SLC38A1: variants seen among roughly 807,000 people sequenced by gnomAD.
SLC38A1 encodes the protein solute carrier family 38 member 1, also known as sodium-coupled neutral amino acid symporter 1.
A neutral mutation model predicts 60.3 loss-of-function variants in SLC38A1; 18 were observed. The observed-to-expected ratio is 0.30, with a 90% confidence interval of 0.21 to 0.44. The LOEUF is 0.44. SLC38A1 is among the 20% of genes least tolerant of loss of function. SLC38A1 has a pLI of 1.00. For synonymous variants in SLC38A1, 196 were observed against 212.1 expected, an observed-to-expected ratio of 0.92 and a Z score of 0.66; for missense variants, 448 against 587.2, an observed-to-expected ratio of 0.76 and a Z score of 2.45.
At chr12:46,219,678 C>T (rs1048819429) in intron 5 of SLC38A1, among the ~76,000 whole-genome samples, 1 of 152,210 alleles carries the variant, frequency 6.6e-6, no homozygotes, top group African/African-American at 2.4e-5. Context: ...CAACTCTCTG[C>T]ACCACACTTA....
chr12:46,225,869 A>G (rs566857392), intron 5 of SLC38A1, among the ~76,000 whole-genome samples: 1 of 152,222 alleles, frequency 6.6e-6, no homozygotes, highest in South Asian at 2.1e-4. Context: ...GGAAAACTTT[A>G]CACAAATGGC....
At chr12:46,258,629 T>C (rs946449402) in intron 1 of SLC38A1, among the ~76,000 whole-genome samples, 1 of 152,178 alleles carries the variant, frequency 6.6e-6, no homozygotes, top group African/African-American at 2.4e-5. Flanking sequence ...TGGACTTTTG[T>C]GGGTTTTGGA....
chr12:46,249,155 C>CAAAAAAAAAAAAA (rs59948188), intron 1 of SLC38A1, among the ~76,000 whole-genome samples: 10 of 46,408 alleles, frequency 2.2e-4, no homozygotes, highest in Non-Finnish European at 2.8e-4. Flanking sequence ...GACTCCGCCT[C>CAAAAAAAAAAAAA]AAAAAAAAAA....
rs1187159193 is a variant in SLC38A1, at chr12:46,239,699, T to C, written c.102A>G (p.Val34=). ...ISNDSNDFTE[V]ENGQINSKFI... is the part of the protein sequence containing the mutation. ...CTCACCTATTTATCTGACCATTTTC[T>C]ACTTCGGTGAAATCATTGGAGTCAT... The change falls in exon 3 of 17, where the codon GTA becomes GTG. Residue 34 remains valine (V), a synonymous_variant. Transcript: ENST00000398637. The C allele has an allele frequency of 6.2e-7, 1 of 1,613,824 alleles. No homozygotes were observed. Among genetic ancestry groups the C allele is most frequent in the South Asian group, 1.1e-5 (1 of 91,066 alleles).
chr12:46,211,015 A>ATTT (rs1940143414), intron 5 of SLC38A1, among the ~76,000 whole-genome samples: 2 of 152,182 alleles, frequency 1.3e-5, no homozygotes, highest in Non-Finnish European at 2.9e-5. Flanking sequence ...ACAGGATTTG[A>ATTT]TATGCTCTGC....
chr12:46,234,061 C>T (rs148918289), intron 3 of SLC38A1, among the ~76,000 whole-genome samples: 12 of 152,326 alleles, frequency 7.9e-5, no homozygotes, highest in Middle Eastern at 3.4e-3. Context: ...TTCCTCTCAG[C>T]CAATCTTTCC....
intron 1 of SLC38A1, among the ~76,000 whole-genome samples, chr12:46,256,614 C>A (rs1942033728): frequency 1.1e-5 from 1 of 91,334 alleles, no homozygotes; most frequent in African/African-American, 5.2e-5. Flanking sequence ...CGCGCGCGCG[C>A]ACACACACAC....
At chr12:46,218,387 T>C (rs1940507375) in intron 5 of SLC38A1, among the ~76,000 whole-genome samples, 1 of 152,170 alleles carries the variant, frequency 6.6e-6, no homozygotes, top group South Asian at 2.1e-4. Flanking sequence ...AATATGCTGT[T>C]CTCGGTGGGT....
At chr12:46,259,069 C>T (rs528886208) in intron 1 of SLC38A1, among the ~76,000 whole-genome samples, 6 of 152,276 alleles carry the variant, frequency 3.9e-5, no homozygotes, top group East Asian at 3.9e-4. Context: ...GAAGTGACCA[C>T]GTGAGATGAT....
intron 1 of SLC38A1, among the ~76,000 whole-genome samples, chr12:46,250,669 T>A (rs1298230290): frequency 6.6e-6 from 1 of 152,190 alleles, no homozygotes. Context: ...TGTGCAAAAA[T>A]CACAACCATT....
intron 5 of SLC38A1, among the ~76,000 whole-genome samples, chr12:46,216,356 CTG>C (rs1940411350): frequency 6.6e-6 from 1 of 152,110 alleles, no homozygotes; most frequent in Non-Finnish European, 1.5e-5. Flanking sequence ...GTCGCCGTGT[CTG>C]TGTGGTTGGA....
rs376780589 is a variant in SLC38A1, at chr12:46,239,664, T to C, written c.122+15A>G. The C allele has an allele frequency of 2.5e-6, 4 of 1,613,326 alleles. No homozygotes were observed. Among genetic ancestry groups the C allele is most frequent in the Non-Finnish European group, 2.5e-6 (3 of 1,179,668 alleles). ...TTCTTTCACTGGATAGAAATGTTAGTGGAAAAATACTCACCTATTTATCTG... is the reference window on the plus strand; with the variant it reads ...TTCTTTCACTGGATAGAAATGTTAGCGGAAAAATACTCACCTATTTATCTG... On this transcript the variant is annotated intron_variant, in intron 3 of 16. Transcript: ENST00000398637.
At chr12:46,197,684 A>G in intron 16 of SLC38A1, 36 bp downstream of exon 16, 3 of 1,316,488 alleles carry the variant, frequency 2.3e-6, no homozygotes, top group Non-Finnish European at 3.2e-6. Context: ...ATGGAAAACT[A>G]ATCAGAAAAG....
chr12:46,256,636 C>CACACACAGAGAGAG (rs142176282), intron 1 of SLC38A1, among the ~76,000 whole-genome samples: 6 of 123,268 alleles, frequency 4.9e-5, no homozygotes, highest in African/African-American at 2.0e-4. Context: ...CACACACACA[C>CACACACAGAGAGAG]AGAGAGAGAG....
chr12:46,230,633 G>T (rs1941039330), intron 3 of SLC38A1, among the ~76,000 whole-genome samples: 1 of 152,148 alleles, frequency 6.6e-6, no homozygotes, highest in Non-Finnish European at 1.5e-5. Flanking sequence ...AATTCAGCCA[G>T]GCTAAATGGA....
chr12:46,234,546 C>T (rs763760347), intron 3 of SLC38A1, among the ~76,000 whole-genome samples: 1 of 150,310 alleles, frequency 6.7e-6, no homozygotes, highest in African/African-American at 2.5e-5. Context: ...CTCCTGGGTT[C>T]ACGCCATTCT....
intron 3 of SLC38A1, chr12:46,239,437 G>A (rs769037558): frequency 6.8e-6 from 2 of 294,908 alleles, no homozygotes; most frequent in Non-Finnish European, 1.3e-5. Flanking sequence ...CGATTCTCCT[G>A]CCTCAGCCTC....
At chr12:46,214,649 T>G (rs1157403128) in intron 5 of SLC38A1, among the ~76,000 whole-genome samples, 1 of 152,196 alleles carries the variant, frequency 6.6e-6, no homozygotes, top group East Asian at 1.9e-4. Flanking sequence ...TTGGAGAATT[T>G]TATTGTATAT....
intron 1 of SLC38A1, among the ~76,000 whole-genome samples, chr12:46,246,838 T>A (rs1192822613): frequency 6.6e-6 from 1 of 152,194 alleles, no homozygotes. Flanking sequence ...ATATTTGCTG[T>A]TCTGCAATAT....
Sources: gnomAD v4.1 joint callset for allele counts (sites outside exome capture counted in the v4.1 genomes callset) on GRCh38, gnomAD v4.1.1 for gene constraint, MANE v1.5 for transcripts, NCBI Gene and HGNC (gene_info 2026-07-23, HGNC 2026-07-21) for gene names.